SHLD2: variants seen among roughly 807,000 people sequenced by gnomAD.
SHLD2 encodes RINN1-REV7-interacting novel NHEJ regulator 2.
In SHLD2, 30 loss-of-function variants were observed where a neutral mutation model predicts 73.2. That is an observed-to-expected ratio of 0.41 (90% CI 0.31 to 0.56). The LOEUF is 0.56. SHLD2 is among the 20% of genes least tolerant of loss of function. SHLD2 has a pLI of 0.28. For missense variants in SHLD2, 745 were observed against 1,055.9 expected (o/e 0.71, Z 4.08); for synonymous variants, 285 against 370.1 (o/e 0.77, Z 2.64).
intron 1 of SHLD2, 54 bp downstream of exon 1, chr10:87,095,302 G>A (rs184717376): frequency 0.014 from 2,062 of 151,716 alleles, 47 homozygotes; most frequent in African/African-American, 0.047. Flanking sequence ...CAGGGAGGTC[G>A]GGGTCGGGGG....
intron 4 of SHLD2, among the ~76,000 whole-genome samples, chr10:87,160,090 ATATCT>A (rs1846697506): frequency 6.6e-6 from 1 of 152,006 alleles, no homozygotes; most frequent in Admixed American, 6.6e-5. Flanking sequence ...CCCAATGGTG[ATATCT>A]TATATAACTT....
At chr10:87,107,476 C>G (rs1294471082) in intron 2 of SHLD2, among the ~76,000 whole-genome samples, 1 of 152,022 alleles carries the variant, frequency 6.6e-6, no homozygotes, top group Non-Finnish European at 1.5e-5. Flanking sequence ...TGGGGAATAC[C>G]TACTTTATAT....
chr10:87,119,092 G>A (rs1037533610), intron 2 of SHLD2, among the ~76,000 whole-genome samples: 3 of 150,202 alleles, frequency 2.0e-5, no homozygotes, highest in Non-Finnish European at 4.4e-5. Flanking sequence ...TATGAAAATA[G>A]TTGGAAAGGA....
At chr10:87,161,411 C>G (rs1212843959) in intron 4 of SHLD2, among the ~76,000 whole-genome samples, 1 of 152,088 alleles carries the variant, frequency 6.6e-6, no homozygotes, top group Non-Finnish European at 1.5e-5. Context: ...CACCACTGTA[C>G]TCCAGCCTGG....
chr10:87,126,414 G>A (rs1406428032), intron 2 of SHLD2, among the ~76,000 whole-genome samples: 2 of 152,038 alleles, frequency 1.3e-5, no homozygotes, highest in Admixed American at 1.3e-4. Context: ...ATTATTGTCT[G>A]AATATTGAGT....
chr10:87,141,616 T>C (rs1845202140), intron 2 of SHLD2, among the ~76,000 whole-genome samples: 1 of 152,112 alleles, frequency 6.6e-6, no homozygotes, highest in Non-Finnish European at 1.5e-5. Context: ...GAGTAAAATA[T>C]TATTACAAAA....
At chr10:87,108,685 C>T (rs1040696897) in intron 2 of SHLD2, among the ~76,000 whole-genome samples, 7 of 152,168 alleles carry the variant, frequency 4.6e-5, no homozygotes, top group Non-Finnish European at 1.0e-4. Context: ...AACAATCTTG[C>T]CACTTTAGGA....
In SHLD2 at chr10:87,152,080, T is replaced by C. The variant is rs143286154; in HGVS notation, c.726T>C (p.Phe242=). The change falls in exon 3 of 10, where the codon TTT becomes TTC. Residue 242 remains phenylalanine, a synonymous_variant. Transcript: ENST00000298786. Reference sequence around the variant, plus strand: ...TTAAAATATCAACTGATACAGAATTTCTCAGTATAATTACCTCCAGCCAGG... The same window carrying C: ...TTAAAATATCAACTGATACAGAATTCCTCAGTATAATTACCTCCAGCCAGG... ...SDLKISTDTE[F]LSIITSSQVA... The C allele has an allele frequency of 6.2e-7, 1 of 1,611,828 alleles. No individual in the cohort carries two copies. Among genetic ancestry groups the C allele is most frequent in the African/African-American group, 1.3e-5 (1 of 74,844 alleles).
chr10:87,180,832 A>G lies in SHLD2; in HGVS notation c.2399+529A>G, dbSNP rs140385621. On this transcript the variant is annotated intron_variant, in intron 8 of 9. Coordinates refer to ENST00000298786, the MANE Select transcript of SHLD2 (RefSeq NM_001330112.2). ...CAAAAGCTCAGATATTTTTCTCTTT[A>G]CCTCATAAATTACATGTGTTTACAA... Among the ~76,000 whole-genome samples, 1,168 of 152,248 alleles carry G rather than the reference A, an allele frequency of 7.7e-3. 13 individuals are homozygous for G. Among genetic ancestry groups the G allele is most frequent in the African/African-American group, 0.028 (1,144 of 41,534 alleles).
intron 2 of SHLD2, among the ~76,000 whole-genome samples, chr10:87,097,402 A>C (rs1230821746): frequency 6.6e-6 from 1 of 152,090 alleles, no homozygotes; most frequent in Non-Finnish European, 1.5e-5. Flanking sequence ...CTCTACTAAA[A>C]ATACAAAAAT....
chr10:87,113,723 T>C (rs1843071718), intron 2 of SHLD2, among the ~76,000 whole-genome samples: 1 of 152,138 alleles, frequency 6.6e-6, no homozygotes, highest in Non-Finnish European at 1.5e-5. Context: ...AAAAAAAGTA[T>C]AGGCCAAGTG....
At chr10:87,117,320 G>A (rs1201301923) in intron 2 of SHLD2, among the ~76,000 whole-genome samples, 1 of 152,184 alleles carries the variant, frequency 6.6e-6, no homozygotes, top group Non-Finnish European at 1.5e-5. Flanking sequence ...TCGGGAGGCT[G>A]AGGCAGGAGA....
chr10:87,169,643 C>T lies in SHLD2; in HGVS notation c.1634-835C>T, dbSNP rs1028739283. On this transcript the variant is annotated intron_variant, in intron 4 of 9. Transcript: ENST00000298786. Reference sequence around the variant, plus strand: ...TCTTATTTTGGTCAGCAATCAATCACGTACTCAAGCATACTTGTCTTACCT... The same window carrying T: ...TCTTATTTTGGTCAGCAATCAATCATGTACTCAAGCATACTTGTCTTACCT... Among the ~76,000 whole-genome samples the T allele has an allele frequency of 2.6e-5, 4 of 151,216 alleles. No individual in the cohort carries two copies. The East Asian group carries it at 5.8e-4, about 22-fold the overall frequency.
chr10:87,137,066 T>C (rs1424487675), intron 2 of SHLD2, among the ~76,000 whole-genome samples: 7 of 152,146 alleles, frequency 4.6e-5, no homozygotes, highest in Non-Finnish European at 8.8e-5. Context: ...TTATATAAAA[T>C]GTCTGGTGTG....
chr10:87,124,172 A>C (rs1488315798), intron 2 of SHLD2, among the ~76,000 whole-genome samples: 1 of 152,250 alleles, frequency 6.6e-6, no homozygotes, highest in Non-Finnish European at 1.5e-5. Flanking sequence ...AATTGTATTT[A>C]TAATTTCTTG....
chr10:87,163,119 A>C (rs953335984), intron 4 of SHLD2, among the ~76,000 whole-genome samples: 3 of 152,056 alleles, frequency 2.0e-5, no homozygotes, highest in African/African-American at 7.2e-5. Context: ...ACTATGTACT[A>C]TGCAGCTGTA....
chr10:87,127,964 A>G (rs1844154851), intron 2 of SHLD2, among the ~76,000 whole-genome samples: 1 of 151,964 alleles, frequency 6.6e-6, no homozygotes, highest in African/African-American at 2.4e-5. Context: ...TTACAGGGCA[A>G]TTTTGTAAGA....
chr10:87,187,685 T>G (rs1186110014), intron 9 of SHLD2, among the ~76,000 whole-genome samples: 1 of 152,252 alleles, frequency 6.6e-6, no homozygotes, highest in Non-Finnish European at 1.5e-5. Context: ...GTTCCGTGAT[T>G]GCTTTATCTT....
intron 4 of SHLD2, among the ~76,000 whole-genome samples, chr10:87,170,245 A>G (rs1262315734): frequency 6.6e-6 from 1 of 152,240 alleles, no homozygotes; most frequent in East Asian, 1.9e-4. Context: ...GAACAGCACA[A>G]GTTTTTTGGG....
Sources: allele counts gnomAD v4.1 joint callset (sites outside exome capture counted in the v4.1 genomes callset), GRCh38; gene constraint gnomAD v4.1.1; transcripts MANE v1.5; gene names NCBI Gene and HGNC (gene_info 2026-07-23, HGNC 2026-07-21).